Variants in SAMD5 observed in about 807,000 individuals in gnomAD.
SAMD5 encodes sterile alpha motif domain containing 5.
SAMD5 carries 13 observed loss-of-function variants against 11.3 expected under a neutral mutation model. The observed-to-expected ratio is 1.15, with a 90% CI of 0.75 to 1.83. The LOEUF is 1.83. SAMD5 is among the 40% of genes most tolerant of loss of function. The pLI, the probability that SAMD5 is intolerant of heterozygous loss-of-function variation, is 0.00. For synonymous variants in SAMD5, 129 were observed against 111.3 expected (o/e 1.16, Z -1.00); for missense variants, 255 against 239.1 (o/e 1.07, Z -0.44).
chr6:147,547,469 C>G (rs770736800), intron 1 of SAMD5, among the ~76,000 whole-genome samples: 1 of 31,194 alleles, frequency 3.2e-5, no homozygotes, highest in Non-Finnish European at 5.8e-5. Context: ...TGGCTGTTAG[C>G]CATGGTCCAC....
intron 1 of SAMD5, among the ~76,000 whole-genome samples, chr6:147,735,162 G>A (rs1791778538): frequency 6.6e-6 from 1 of 152,178 alleles, no homozygotes; most frequent in Admixed American, 6.5e-5. Flanking sequence ...TTATTTGCAA[G>A]TTGACAAATT....
chr6:147,809,541 A>G, the SAMD5 span, among the ~76,000 whole-genome samples: 2 of 152,252 alleles, frequency 1.3e-5, no homozygotes, highest in African/African-American at 2.4e-5. Context: ...AACAAATGCA[A>G]TTAATACAAA....
At chr6:147,771,358 G>A in the SAMD5 span, among the ~76,000 whole-genome samples, 1 of 152,104 alleles carries the variant, frequency 6.6e-6, no homozygotes, top group Admixed American at 6.6e-5. Flanking sequence ...TGCAGTTGTG[G>A]TTCCTGCTCT....
the SAMD5 span, among the ~76,000 whole-genome samples, chr6:147,851,264 G>A: frequency 6.7e-4 from 102 of 152,150 alleles, no homozygotes; most frequent in African/African-American, 2.2e-3. Flanking sequence ...TTTTTATAAT[G>A]AGTGCTGTTA....
At chr6:147,587,979 G>A (rs943085806) in intron 1 of SAMD5, among the ~76,000 whole-genome samples, 1 of 152,098 alleles carries the variant, frequency 6.6e-6, no homozygotes, top group Non-Finnish European at 1.5e-5. Context: ...AAAATATGTC[G>A]TGGATCTACT....
At chr6:147,868,010 A>G in the SAMD5 span, among the ~76,000 whole-genome samples, 2 of 152,352 alleles carry the variant, frequency 1.3e-5, no homozygotes, top group South Asian at 4.1e-4. Context: ...TCCTTATTGC[A>G]TAATTCTTTA....
chr6:147,830,251 CTTTTTTTTT>C, the SAMD5 span, among the ~76,000 whole-genome samples: 1,873 of 84,992 alleles, frequency 0.022, 26 homozygotes, highest in Middle Eastern at 0.15. Flanking sequence ...TTCTTTCTTT[CTTTTTTTTT>C]TTTTTTTTTT....
chr6:147,948,781 A>C, the SAMD5 span, among the ~76,000 whole-genome samples: 1 of 152,020 alleles, frequency 6.6e-6, no homozygotes, highest in African/African-American at 2.4e-5. Flanking sequence ...CTGAGCTTAA[A>C]ATGTTTTACT....
chr6:147,712,837 C>G (rs932422140), intron 1 of SAMD5, among the ~76,000 whole-genome samples: 1 of 151,330 alleles, frequency 6.6e-6, no homozygotes, highest in Non-Finnish European at 1.5e-5. Context: ...GTTGTTTAAG[C>G]CACCAAGTCT....
chr6:147,549,635 C>T (rs1194828306), intron 1 of SAMD5, among the ~76,000 whole-genome samples: 1 of 152,248 alleles, frequency 6.6e-6, no homozygotes, highest in African/African-American at 2.4e-5. Context: ...GTTTCACTCA[C>T]TCCTTCCTTT....
At chr6:147,848,735 C>T in the SAMD5 span, among the ~76,000 whole-genome samples, 1 of 152,168 alleles carries the variant, frequency 6.6e-6, no homozygotes, top group East Asian at 1.9e-4. Context: ...AATTGCCACA[C>T]GTTGTGAGAC....
At chr6:147,942,848 G>A in the SAMD5 span, among the ~76,000 whole-genome samples, 26 of 132,548 alleles carry the variant, frequency 2.0e-4, no homozygotes, top group African/African-American at 6.4e-4. Flanking sequence ...TTTCTGAGAT[G>A]GAGTTTTGCT....
chr6:147,618,256 T>A (rs913684658), intron 1 of SAMD5, among the ~76,000 whole-genome samples: 16 of 152,204 alleles, frequency 1.1e-4, no homozygotes, highest in Admixed American at 2.6e-4. Flanking sequence ...CTCATCGGCA[T>A]TAACGTGTAG....
the SAMD5 span, among the ~76,000 whole-genome samples, chr6:147,936,045 A>G: frequency 6.6e-6 from 1 of 152,162 alleles, no homozygotes; most frequent in South Asian, 2.1e-4. Flanking sequence ...GCACCAGGAG[A>G]GTCAGCCCTA....
the SAMD5 span, among the ~76,000 whole-genome samples, chr6:147,890,920 T>G: frequency 3.0e-4 from 45 of 152,320 alleles, no homozygotes; most frequent in South Asian, 9.3e-3. Flanking sequence ...TGACCATCAG[T>G]TGACAATGGC....
chr6:147,609,778 G>A (rs896469242), intron 1 of SAMD5, among the ~76,000 whole-genome samples: 4 of 151,822 alleles, frequency 2.6e-5, no homozygotes, highest in African/African-American at 9.7e-5. Context: ...GGCTGGTCCC[G>A]AACTCCTGAC....
intron 1 of SAMD5, among the ~76,000 whole-genome samples, chr6:147,688,952 T>G (rs984092896): frequency 2.6e-5 from 4 of 152,230 alleles, no homozygotes; most frequent in African/African-American, 9.6e-5. Context: ...GCTCTCTTGT[T>G]TAAGATGTCA....
chr6:147,938,716 A>G, the SAMD5 span, among the ~76,000 whole-genome samples: 1 of 152,252 alleles, frequency 6.6e-6, no homozygotes, highest in African/African-American at 2.4e-5. Flanking sequence ...GTTGAGAAAT[A>G]AAGTGCTAGC....
rs1483963458 is a variant in SAMD5 at position 147,630,978 on chromosome 6, A to G, written c.163-106339A>G. Among the ~76,000 whole-genome samples the G allele has an allele frequency of 2.6e-5, 4 of 152,136 alleles. No homozygotes were observed. In the East Asian group the frequency reaches 7.7e-4, roughly 29 times the overall value. On this transcript the variant is annotated intron_variant, in intron 1 of 1. Transcript: ENST00000566741. ...ACCCATGTTTCAGAGGTGTCTGATC[A>G]CCGCGGGGACACCTGCCTTGATCCT...
Sources: gnomAD v4.1 joint callset for allele counts (sites outside exome capture counted in the v4.1 genomes callset) on GRCh38, gnomAD v4.1.1 for gene constraint, MANE v1.5 for transcripts, NCBI Gene and HGNC (gene_info 2026-07-23, HGNC 2026-07-21) for gene names.